FMN2: variants seen among roughly 807,000 people sequenced by gnomAD.
The protein encoded by FMN2 is formin 2.
Under a neutral mutation model 142.3 loss-of-function variants are expected in FMN2, and 51 were observed. That is an observed-to-expected ratio of 0.36 (90% confidence interval 0.29 to 0.45). The LOEUF is 0.45. FMN2 is among the 20% of genes least tolerant of loss of function. The pLI is 1.00. For missense variants in FMN2, 1,936 were observed against 2,122.8 expected (o/e 0.91, Z 1.73); for synonymous variants, 882 against 869.8 (o/e 1.01, Z -0.25).
intron 6 of FMN2, among the ~76,000 whole-genome samples, chr1:240,225,101 T>C (rs1164817515): frequency 2.6e-5 from 4 of 152,202 alleles, no homozygotes; most frequent in Non-Finnish European, 5.9e-5. Flanking sequence ...GTTAAAACAC[T>C]GAGCAAACAA....
intron 6 of FMN2, among the ~76,000 whole-genome samples, chr1:240,238,856 A>G (rs779208250): frequency 6.6e-6 from 1 of 152,232 alleles, no homozygotes; most frequent in Admixed American, 6.5e-5. Context: ...CTCAACAACA[A>G]TATGGATTTT....
chr1:240,165,121 G>C lies in FMN2; in HGVS notation c.1783-12800G>C, dbSNP rs191505241. Among the ~76,000 whole-genome samples, 119 of 152,238 alleles carry C rather than the reference G, an allele frequency of 7.8e-4. 2 individuals carry two copies. The highest frequency in any genetic ancestry group is 4.4e-3 in the South Asian group (21 of 4,826). On this transcript the variant is annotated intron_variant, in intron 2 of 17. Transcript: ENST00000319653. ...GAGGTTTTAATTTGGCTATTTGTCAGTTCTAGAATTGCTCAGTTTTTAAAA... is the reference window on the plus strand; with the variant it reads ...GAGGTTTTAATTTGGCTATTTGTCACTTCTAGAATTGCTCAGTTTTTAAAA...
chr1:240,407,776 GCCCATTTGGGTGAGACCAAGGTCACACT>G (rs1674260467), intron 15 of FMN2, among the ~76,000 whole-genome samples: 1 of 152,128 alleles, frequency 6.6e-6, no homozygotes, highest in Admixed American at 6.6e-5. Flanking sequence ...CCAAATGTTA[GCCCATTTGGGTGAGACCAAGGTCACACT>G]CCCATTCCTG....
intron 15 of FMN2, among the ~76,000 whole-genome samples, chr1:240,393,925 C>T (rs562706121): frequency 6.6e-6 from 1 of 152,190 alleles, no homozygotes; most frequent in Admixed American, 6.5e-5. Flanking sequence ...ATGAGTATTG[C>T]CAGGGAAGAA....
rs569558130 is a variant in FMN2 at position 240,183,266 on chromosome 1, T to A, written c.1931-4941T>A. 6.6e-5 allele frequency among the ~76,000 whole-genome samples: 10 copies of A among 151,990 alleles called. No homozygotes were observed. In the East Asian group the frequency reaches 9.7e-4, roughly 15 times the overall value. ...TTTAACATAAGTTCGGTTGAGATAA[T>A]GCAGAAATTCTATAAGGGACCAGGG... On this transcript the variant is annotated intron_variant, in intron 3 of 17. Transcript: ENST00000319653.
chr1:240,122,553 G>T (rs1662326593), intron 1 of FMN2, among the ~76,000 whole-genome samples: 1 of 152,114 alleles, frequency 6.6e-6, no homozygotes, highest in Non-Finnish European at 1.5e-5. Context: ...AAAGTGCTGG[G>T]ATTACAGGTG....
chr1:240,388,188 A>C, intron 14 of FMN2, among the ~76,000 whole-genome samples: 1 of 143,694 alleles, frequency 7.0e-6, no homozygotes, highest in South Asian at 2.1e-4. Context: ...CAAAAAAAAA[A>C]AAAAAAAAAA....
At chr1:240,143,838 C>G in intron 2 of FMN2, 1 of 1,570,374 alleles carries the variant, frequency 6.4e-7, no homozygotes. Context: ...ACACCTGCCA[C>G]CTCCATGCTG....
At chr1:240,126,810 A>G (rs1226906989) in intron 2 of FMN2, among the ~76,000 whole-genome samples, 1 of 152,208 alleles carries the variant, frequency 6.6e-6, no homozygotes, top group Non-Finnish European at 1.5e-5. Flanking sequence ...TTCCTATTCA[A>G]AATGGAGAGA....
intron 2 of FMN2, among the ~76,000 whole-genome samples, chr1:240,164,146 G>A (rs562548396): frequency 3.3e-5 from 5 of 152,158 alleles, no homozygotes; most frequent in East Asian, 3.9e-4. Context: ...CAGTCTTTCC[G>A]CCTTGGCCTC....
At chr1:240,312,980 C>G (rs758592830) in intron 8 of FMN2, among the ~76,000 whole-genome samples, 64 of 152,210 alleles carry the variant, frequency 4.2e-4, no homozygotes, top group Non-Finnish European at 7.9e-4. Flanking sequence ...TCTTCCTGTT[C>G]CTGACCTTTT....
At chr1:240,249,103 A>T (rs1035323831) in intron 6 of FMN2, among the ~76,000 whole-genome samples, 1 of 151,972 alleles carries the variant, frequency 6.6e-6, no homozygotes, top group Non-Finnish European at 1.5e-5. Flanking sequence ...TTTAGCTCAA[A>T]ATAGTCCCAT....
intron 1 of FMN2, among the ~76,000 whole-genome samples, chr1:240,095,112 A>G (rs1481466182): frequency 6.6e-6 from 1 of 151,400 alleles, no homozygotes; most frequent in African/African-American, 2.5e-5. Context: ...CAAAACAAAT[A>G]AAAAAGAAAG....
At chr1:240,464,062 T>C (rs1676532175) in intron 16 of FMN2, among the ~76,000 whole-genome samples, 1 of 152,120 alleles carries the variant, frequency 6.6e-6, no homozygotes, top group South Asian at 2.1e-4. Context: ...ATTGTTAGCA[T>C]GGTGAAGAGT....
intron 3 of FMN2, among the ~76,000 whole-genome samples, chr1:240,182,914 CT>C (rs1303988869): frequency 2.1e-5 from 3 of 140,642 alleles, no homozygotes; most frequent in African/African-American, 5.5e-5. Context: ...CATTTCTTTT[CT>C]TTTCTTTTTT....
intron 7 of FMN2, among the ~76,000 whole-genome samples, chr1:240,290,316 T>C (rs1011477883): frequency 6.6e-6 from 1 of 152,202 alleles, no homozygotes; most frequent in Non-Finnish European, 1.5e-5. Context: ...AACAATGACA[T>C]TGGATCTTAG....
intron 4 of FMN2, among the ~76,000 whole-genome samples, chr1:240,193,216 G>A (rs949217943): frequency 6.6e-6 from 1 of 152,158 alleles, no homozygotes; most frequent in Non-Finnish European, 1.5e-5. Flanking sequence ...GCTGATAAAA[G>A]TTCTCTGCTT....
chr1:240,333,158 C>CA (rs1671436104), intron 11 of FMN2, among the ~76,000 whole-genome samples: 1 of 151,546 alleles, frequency 6.6e-6, no homozygotes, highest in South Asian at 2.1e-4. Context: ...TGGAACAATA[C>CA]AAAAAAAGAG....
intron 7 of FMN2, among the ~76,000 whole-genome samples, chr1:240,261,357 T>C (rs1217872686): frequency 6.6e-6 from 1 of 151,964 alleles, no homozygotes; most frequent in African/African-American, 2.4e-5. Context: ...AGTACTTTTT[T>C]TTTTTTCATT....
Sources: gnomAD v4.1 joint callset for allele counts (sites outside exome capture counted in the v4.1 genomes callset) on GRCh38, gnomAD v4.1.1 for gene constraint, MANE v1.5 for transcripts, NCBI Gene and HGNC (gene_info 2026-07-23, HGNC 2026-07-21) for gene names.